SLC16A8: variants seen among roughly 807,000 people sequenced by gnomAD.
SLC16A8 encodes the protein monocarboxylate transporter 3.
A neutral mutation model predicts 22.4 loss-of-function variants in SLC16A8; 20 were observed. That is an observed-to-expected ratio of 0.89 (90% CI 0.63 to 1.30). The LOEUF (loss-of-function observed/expected upper bound fraction) is 1.30. Among genes scored for constraint, SLC16A8 ranks in the 50% most tolerant of loss-of-function variants. The pLI, the probability that SLC16A8 is intolerant of heterozygous loss-of-function variation, is 0.00. For synonymous variants in SLC16A8, 393 were observed against 358.8 expected (o/e 1.10, Z -1.08); for missense variants, 817 against 740.3 (o/e 1.10, Z -1.20).
In SLC16A8 at chr22:38,081,248, C is replaced by A; in HGVS notation, c.790G>T (p.Ala264Ser). 1 of 1,586,224 alleles carries A rather than the reference C, an allele frequency of 6.3e-7. No individual in the cohort carries two copies. The highest frequency in any genetic ancestry group is 2.3e-5 in the East Asian group (1 of 43,060). Residue 264 changes from alanine (A) to serine (S), a missense_variant, in exon 5 of 6, where the codon GCG becomes TCG. Coordinates refer to ENST00000681075, the MANE Select transcript of SLC16A8 (RefSeq NM_013356.3). ...ATGGCGGGGACGAAGAGCCCGAGCG[C>A]CATCAGGAACTTGGTGACGGCGTAC... ...AVYAVTKFLM[A>S]LGLFVPAILL... is the part of the protein sequence containing the mutation.
Position 38,080,956 on chromosome 22 carries a change from C to A in SLC16A8, c.1082G>T (p.Gly361Val), listed in dbSNP as rs1018704846. ...VAFGLSYGMV[G>V]ALQFEVLMAA... is the part of the protein sequence containing the mutation. ...CATGAGCACCTCGAACTGCAGCGCG[C>A]CCACCATGCCGTAGGAGAGGCCGAA... The change falls in exon 5 of 6, where the codon GGC becomes GTC. Residue 361 changes from glycine (G) to valine (V), a missense_variant. Coordinates refer to ENST00000681075, the MANE Select transcript of SLC16A8 (RefSeq NM_013356.3). 6.3e-7 allele frequency: 1 copy of A among 1,592,890 alleles called. No individual in the cohort carries two copies. Among genetic ancestry groups the A allele is most frequent in the Non-Finnish European group, 8.5e-7 (1 of 1,175,132 alleles).
chr22:38,078,499 A>T lies in SLC16A8; in HGVS notation c.1404T>A (p.Val468=), dbSNP rs780080887. Residue 468 remains valine, a synonymous_variant, in exon 6 of 6, where the codon GTT becomes GTA. Transcript: ENST00000681075. The part of the protein sequence containing the change: ...EAEGDSEPLP[V]VAEEPGNLEA... ...CCAGGTTGCCGGGTTCCTCTGCAAC[A>T]ACAGGCAGGGGCTCAGAGTCCCCTT... 6.2e-7 allele frequency: 1 copy of T among 1,614,028 alleles called. No homozygotes were observed. Among genetic ancestry groups the T allele is most frequent in the Non-Finnish European group, 8.5e-7 (1 of 1,180,046 alleles).
rs1164441625 is a variant in SLC16A8, at chr22:38,078,685, C to A, written c.1218G>T (p.Leu406Phe). 1 of 1,607,278 alleles carries A rather than the reference C, an allele frequency of 6.2e-7. No individual in the cohort carries two copies. Among genetic ancestry groups the A allele is most frequent in the South Asian group, 1.1e-5 (1 of 90,998 alleles). ...GGTAGAAGATGATCTCATAGTTCTT[C>A]AACACATCCACCAGGCGGCCTGGGG... is the stretch of plus-strand genomic sequence containing the variant. ...PPSAGRLVDV[L>F]KNYEIIFYLA... The change falls in exon 6 of 6, where the codon TTG becomes TTT. Residue 406 changes from leucine to phenylalanine, a missense_variant. Physicochemically the swap from Leu to Phe is conservative, Grantham distance 22 (BLOSUM62 0). Coordinates refer to ENST00000681075, the MANE Select transcript of SLC16A8 (RefSeq NM_013356.3).
chr22:38,081,205 G>A lies in SLC16A8; in HGVS notation c.833C>T (p.Ala278Val), dbSNP rs1288583728. The A allele has an allele frequency of 1.9e-6, 3 of 1,568,466 alleles. No homozygotes were observed. The highest frequency in any genetic ancestry group is 4.8e-5 in the East Asian group (2 of 41,954). The change falls in exon 5 of 6, where the codon GCC becomes GTC. Residue 278 changes from alanine to valine, a missense_variant. Ala to Val is a moderately conservative substitution (Grantham distance 64). Transcript: ENST00000681075. ...FVPAILLVNY[A>V]KDAGVPDTDA... Reference sequence around the variant, plus strand: ...GGTGTCGGGCACGCCCGCGTCCTTGGCGTAGTTCACCAGCAGGATGGCGGG... The same window carrying A: ...GGTGTCGGGCACGCCCGCGTCCTTGACGTAGTTCACCAGCAGGATGGCGGG...
At position 38,082,272 on chromosome 22, in the gene SLC16A8, T is replaced by G. The variant is rs926689256; in HGVS notation, c.215-240A>C. 1.1e-4 allele frequency among the ~76,000 whole-genome samples: 17 copies of G among 152,270 alleles called. No homozygotes were observed. In the South Asian group the frequency reaches 2.5e-3, roughly 22 times the overall value. ...CCGCACCCCTTTAACCTTCACAGCC[T>G]CCAAGTCCCGCCCTGGCACAGACTG... On this transcript the variant is annotated intron_variant, in intron 3 of 5. Transcript: ENST00000681075.
chr22:38,079,115 G>A (rs936652854), intron 5 of SLC16A8, among the ~76,000 whole-genome samples: 4 of 152,158 alleles, frequency 2.6e-5, no homozygotes, highest in African/African-American at 4.8e-5. Context: ...GTCCTCAGGG[G>A]CTTGGCTTAG....
At chr22:38,082,467 G>A (rs2085932861) in intron 3 of SLC16A8, among the ~76,000 whole-genome samples, 193 bp downstream of exon 3, 1 of 152,232 alleles carries the variant, frequency 6.6e-6, no homozygotes, top group Admixed American at 6.5e-5. Context: ...CAGCCCCCTG[G>A]GCCGGCCCCG....
rs757480381 is a variant in SLC16A8, at chr22:38,082,666, C to T, written c.208G>A (p.Gly70Ser). The change falls in exon 3 of 6, where the codon GGC becomes AGC. Residue 70 changes from glycine (G) to serine (S), a missense_variant. Coordinates refer to ENST00000681075, the MANE Select transcript of SLC16A8 (RefSeq NM_013356.3). Reference protein sequence around the residue: ...VSSIMLAMLYGTGPVSSILVT... With the variant: ...VSSIMLAMLYSTGPVSSILVT... ...GCCGGGCGGGGACACTGACCCGTGC[C>T]GTAGAGCATGGCTAGCATGATGGAG... 2.5e-6 allele frequency: 4 copies of T among 1,574,904 alleles called. No homozygotes were observed. Among genetic ancestry groups the T allele is most frequent in the East Asian group, 2.3e-5 (1 of 43,038 alleles).
In SLC16A8 at chr22:38,078,164, T is replaced by A; in HGVS notation, c.*224A>T. 1 of 527,044 alleles carries A rather than the reference T, an allele frequency of 1.9e-6. No individual in the cohort carries two copies. Among genetic ancestry groups the A allele is most frequent in the Non-Finnish European group, 3.4e-6 (1 of 295,590 alleles). The allele number at this position is 527,044 out of a possible 1,614,324, so 32.6% of individuals were successfully genotyped here. A position where few individuals can be genotyped will look rare whatever the true frequency, so the allele number is the denominator to read the frequency against. On this transcript the variant is annotated 3_prime_UTR_variant, in exon 6 of 6. Coordinates refer to ENST00000681075, the MANE Select transcript of SLC16A8 (RefSeq NM_013356.3). ...TCGTTCAGCTGAGCTTTATCACCAG[T>A]TTCCTGTTGCTCCATAGCAGCTTCA...
At position 38,080,998 on chromosome 22, in the gene SLC16A8, A is replaced by G; in HGVS notation, c.1040T>C (p.Val347Ala). 1 of 1,598,738 alleles carries G rather than the reference A, an allele frequency of 6.3e-7. No homozygotes were observed. Among genetic ancestry groups the G allele is most frequent in the Middle Eastern group, 1.7e-4 (1 of 6,048 alleles). ...GAGGCCGAAGGCGACGCAGAAGGCG[A>G]CGAGGGCGCCGTAGGAGCGCGCGCG... The part of the protein sequence containing the change: ...SARARSYGAL[V>A]AFCVAFGLSY... The change falls in exon 5 of 6, where the codon GTC (valine) becomes GCC (alanine). Residue 347 changes from valine to alanine, a missense_variant. Physicochemically the swap from Val to Ala is moderately conservative, Grantham distance 64. Coordinates refer to ENST00000681075, the MANE Select transcript of SLC16A8 (RefSeq NM_013356.3).
intron 1 of SLC16A8, 28 bp downstream of exon 1, chr22:38,083,960 T>C (rs1460055107): frequency 3.3e-5 from 5 of 152,188 alleles, no homozygotes; most frequent in Admixed American, 2.6e-4. Context: ...AGGAGGGTGA[T>C]CCCAGGCAGC....
intron 4 of SLC16A8, 28 bp from the exon 5 acceptor site, chr22:38,081,707 G>A (rs1169673872): frequency 3.4e-6 from 5 of 1,476,592 alleles, no homozygotes; most frequent in Non-Finnish European, 4.5e-6. Context: ...CTGTGCCGGG[G>A]TCCCCGGAGA....
chr22:38,083,589 G>C (rs1389987122), intron 1 of SLC16A8, among the ~76,000 whole-genome samples: 3 of 152,222 alleles, frequency 2.0e-5, no homozygotes, highest in East Asian at 1.9e-4. Flanking sequence ...GCTTCTGCCA[G>C]ACAGGTAGGA....
At position 38,083,058 on chromosome 22, in the gene SLC16A8, C is replaced by T. The variant is rs964739319; in HGVS notation, c.-25G>A. Reference sequence around the variant, plus strand: ...GACTCTCACCCCAAGTCTCCTTCTCCTGCAAAGGGCGCTGAAGGACGAGGG... The same window carrying T: ...GACTCTCACCCCAAGTCTCCTTCTCTTGCAAAGGGCGCTGAAGGACGAGGG... On this transcript the variant is annotated 5_prime_UTR_variant, in exon 2 of 6. Transcript: ENST00000681075. 1.7e-6 allele frequency: 1 copy of T among 591,984 alleles called. No individual in the cohort carries two copies. Among genetic ancestry groups the T allele is most frequent in the Non-Finnish European group, 3.0e-6 (1 of 332,220 alleles). 36.7% of individuals were successfully genotyped at this position (591,984 alleles called of 1,614,324 possible). A position where few individuals can be genotyped will look rare whatever the true frequency, so the allele number is the denominator to read the frequency against.
In SLC16A8 at chr22:38,078,326, C is replaced by G; in HGVS notation, c.*62G>C. The G allele has an allele frequency of 6.7e-7, 1 of 1,488,694 alleles. No individual in the cohort carries two copies. The highest frequency in any genetic ancestry group is 2.3e-5 in the East Asian group (1 of 43,928). The allele number at this position is 1,488,694 out of a possible 1,614,324, so 92.2% of individuals were successfully genotyped here. A position where few individuals can be genotyped will look rare whatever the true frequency, so the allele number is the denominator to read the frequency against. On this transcript the variant is annotated 3_prime_UTR_variant, in exon 6 of 6. Coordinates refer to ENST00000681075, the MANE Select transcript of SLC16A8 (RefSeq NM_013356.3). ...CAGACCAGCCTCCCAGCGTACCAGG[C>G]TCTCTGAGACAAGAAGCTGTGTTCC...
intron 3 of SLC16A8, 53 bp downstream of exon 3, chr22:38,082,607 G>T: frequency 6.9e-7 from 1 of 1,450,506 alleles, no homozygotes; most frequent in Non-Finnish European, 9.3e-7. Flanking sequence ...GTGTCTCCTG[G>T]TTCCGGATCC....
At chr22:38,082,516 C>T (rs2085933854) in intron 3 of SLC16A8, 144 bp downstream of exon 3, 10 of 735,348 alleles carry the variant, frequency 1.4e-5, no homozygotes, top group Admixed American at 2.9e-5. Flanking sequence ...CTCTTCCCCT[C>T]TTTCTGGTGC....
At position 38,078,152 on chromosome 22, in the gene SLC16A8, C is replaced by G. The variant is rs1172962892; in HGVS notation, c.*236G>C. On this transcript the variant is annotated 3_prime_UTR_variant, in exon 6 of 6. Transcript: ENST00000681075. ...TAGAACCTTCTGTCGTTCAGCTGAG[C>G]TTTATCACCAGTTTCCTGTTGCTCC... is the stretch of plus-strand genomic sequence containing the variant. 2.3e-5 allele frequency: 12 copies of G among 514,490 alleles called. No individual in the cohort carries two copies. The highest frequency in any genetic ancestry group is 4.2e-5 in the Non-Finnish European group (12 of 288,136). The allele number at this position is 514,490 out of a possible 1,614,324, so 31.9% of individuals were successfully genotyped here.
Position 38,078,601 on chromosome 22 carries a change from G to A in SLC16A8, c.1302C>T (p.Cys434=). ...GVFMAVATNC[C]LRCAKAAPSG... Reference sequence around the variant, plus strand: ...ACGGGGCAGCTTTAGCACAACGCAGGCAGCAGTTGGTGGCGACAGCCATGA... The same window carrying A: ...ACGGGGCAGCTTTAGCACAACGCAGACAGCAGTTGGTGGCGACAGCCATGA... The change falls in exon 6 of 6, where the codon TGC becomes TGT. Residue 434 remains cysteine (C), a synonymous_variant. Coordinates refer to ENST00000681075, the MANE Select transcript of SLC16A8 (RefSeq NM_013356.3). The A allele has an allele frequency of 6.2e-7, 1 of 1,614,068 alleles. No homozygotes were observed. Among genetic ancestry groups the A allele is most frequent in the Non-Finnish European group, 8.5e-7 (1 of 1,180,018 alleles).
Sources: allele counts gnomAD v4.1 joint callset (sites outside exome capture counted in the v4.1 genomes callset), GRCh38; gene constraint gnomAD v4.1.1; transcripts MANE v1.5; gene names NCBI Gene and HGNC (gene_info 2026-07-23, HGNC 2026-07-21).